LAMB3: variants seen among roughly 807,000 people sequenced by gnomAD.
The protein encoded by LAMB3 is laminin subunit beta-3.
In LAMB3, 104 loss-of-function variants were observed where a neutral mutation model predicts 140.3. The observed-to-expected ratio is 0.74, with a 90% CI of 0.63 to 0.87. LAMB3 has a LOEUF of 0.87. Among genes scored for constraint, LAMB3 ranks in the 40% least tolerant of loss-of-function variants. LAMB3 has a pLI of 0.00. For synonymous variants in LAMB3, 592 were observed against 602.9 expected, an observed-to-expected ratio of 0.98 and a Z score of 0.26; for missense variants, 1,531 against 1,575.2, an observed-to-expected ratio of 0.97 and a Z score of 0.47.
intron 5 of LAMB3, among the ~76,000 whole-genome samples, chr1:209,635,850 T>G (rs1009204549): frequency 6.6e-6 from 1 of 152,230 alleles, no homozygotes; most frequent in Admixed American, 6.5e-5. Context: ...CTTCTGACCA[T>G]GAGTGAAGAG....
intron 21 of LAMB3, 145 bp from the exon 22 acceptor site, chr1:209,616,769 G>A: frequency 2.5e-6 from 2 of 785,954 alleles, no homozygotes; most frequent in South Asian, 2.9e-5. Flanking sequence ...TTTGCCTATT[G>A]AAACCCCTGA....
chr1:209,626,595 C>T (rs1409087219), intron 13 of LAMB3, among the ~76,000 whole-genome samples: 4 of 152,216 alleles, frequency 2.6e-5, no homozygotes, highest in Non-Finnish European at 5.9e-5. Flanking sequence ...GAGATGGCTT[C>T]TGGGAAATGC....
At chr1:209,633,810 G>A (rs1666784557) in intron 6 of LAMB3, among the ~76,000 whole-genome samples, 2 of 152,188 alleles carry the variant, frequency 1.3e-5, no homozygotes, top group South Asian at 4.1e-4. Context: ...CTCAGCCAGG[G>A]AAAGGAGAAG....
At chr1:209,627,975 T>A (rs1558155718) in intron 11 of LAMB3, 60 bp downstream of exon 11, 1 of 1,541,698 alleles carries the variant, frequency 6.5e-7, no homozygotes, top group African/African-American at 1.4e-5. Context: ...GGGCAAGCCG[T>A]GGGTCTGGTG....
At chr1:209,635,880 C>G (rs1666878757) in intron 5 of LAMB3, among the ~76,000 whole-genome samples, 1 of 152,212 alleles carries the variant, frequency 6.6e-6, no homozygotes, top group Non-Finnish European at 1.5e-5. Context: ...TCCCTGGGCC[C>G]TGCCTCCTCT....
Position 209,615,332 on chromosome 1 carries a change from C to T in LAMB3, c.3458G>A (p.Arg1153His), listed in dbSNP as rs771796673. The change falls in exon 23 of 23, where the codon CGT becomes CAT. Residue 1153 changes from arginine to histidine, a missense_variant. By Grantham distance (29) the Arg-to-His change is conservative. Transcript: ENST00000356082. ...GATGTGGTCACGGATCTGCTCCACA[C>T]GCTTCTCCAGTCCTGTCAGGTCCGC... ...RSADLTGLEKRVEQIRDHING... is the reference protein window; with the variant it reads ...RSADLTGLEKHVEQIRDHING... 2.0e-5 allele frequency: 33 copies of T among 1,613,914 alleles called. No homozygotes were observed. The highest frequency in any genetic ancestry group is 1.6e-4 in the Middle Eastern group (1 of 6,082).
At chr1:209,638,804 C>A (rs542026603) in intron 3 of LAMB3, among the ~76,000 whole-genome samples, 156 bp from the exon 4 acceptor site, 48 of 152,250 alleles carry the variant, frequency 3.2e-4, no homozygotes, top group African/African-American at 1.2e-3. Context: ...TCTTAAAACA[C>A]AGCTATTGAT....
intron 14 of LAMB3, 134 bp from the exon 15 acceptor site, chr1:209,624,134 C>A (rs1558152175): frequency 4.0e-6 from 3 of 741,624 alleles, no homozygotes; most frequent in East Asian, 2.7e-5. Flanking sequence ...AACAGAGAAT[C>A]CACAGGCTAA....
chr1:209,636,692 G>A (rs140205734), intron 5 of LAMB3, among the ~76,000 whole-genome samples: 216 of 152,080 alleles, frequency 1.4e-3, no homozygotes, highest in Middle Eastern at 6.8e-3. Flanking sequence ...CCTGCCTCCC[G>A]GCCTTTGTGC....
rs779392542 is a variant in LAMB3, at chr1:209,625,889, C to A, written c.1735G>T (p.Val579Leu). 6.2e-7 allele frequency: 1 copy of A among 1,613,906 alleles called. No individual in the cohort carries two copies. The highest frequency in any genetic ancestry group is 8.5e-7 in the Non-Finnish European group (1 of 1,179,926). Residue 579 changes from valine to leucine, a missense_variant, in exon 14 of 23, where the codon GTG becomes TTG. Physicochemically the swap from Val to Leu is conservative, Grantham distance 32. Coordinates refer to ENST00000356082, the MANE Select transcript of LAMB3 (RefSeq NM_000228.3). The stretch of plus-strand genomic sequence containing the variant: ...GTCTGGAAGCAAGGGTGGCAGGCCA[C>A]GCACACCGGGTAGCGATTACAGTAG... The part of the protein sequence containing the change: ...RGYCNRYPVC[V>L]ACHPCFQTYD...
intron 18 of LAMB3, among the ~76,000 whole-genome samples, chr1:209,620,787 A>G (rs1666160621): frequency 6.6e-6 from 1 of 152,236 alleles, no homozygotes; most frequent in South Asian, 2.1e-4. Flanking sequence ...TTAGAACTTA[A>G]TAAGCCTTAA....
At chr1:209,634,962 CTCTG>C (rs1430087944) in intron 5 of LAMB3, among the ~76,000 whole-genome samples, 1 of 150,522 alleles carries the variant, frequency 6.6e-6, no homozygotes, top group Non-Finnish European at 1.5e-5. Context: ...TCTCTCCTCT[CTCTG>C]TCTCTCTCCT....
At chr1:209,650,267 G>T (rs1444752633) in intron 2 of LAMB3, 149 bp from the exon 3 acceptor site, 9 of 782,948 alleles carry the variant, frequency 1.1e-5, no homozygotes, top group Non-Finnish European at 1.7e-5. Context: ...AATAATTGCA[G>T]TATTGATACT....
Position 209,615,424 on chromosome 1 carries a change from A to G in LAMB3, c.3383-17T>C. ...ACTCCATGTCTGAGGCAAATGGAAC[A>G]GCAGCAGGAGGAGGAGTTGATGGTG... On this transcript the variant is annotated splice_polypyrimidine_tract_variant and intron_variant, in intron 22 of 22. Coordinates refer to ENST00000356082, the MANE Select transcript of LAMB3 (RefSeq NM_000228.3). The G allele has an allele frequency of 6.3e-7, 1 of 1,581,042 alleles. No individual in the cohort carries two copies. Among genetic ancestry groups the G allele is most frequent in the Non-Finnish European group, 8.6e-7 (1 of 1,160,850 alleles).
In LAMB3 at chr1:209,625,670, C is replaced by T; in HGVS notation, c.1954G>A (p.Ala652Thr). 1.2e-6 allele frequency: 2 copies of T among 1,614,096 alleles called. No homozygotes were observed. The highest frequency in any genetic ancestry group is 8.5e-7 in the Non-Finnish European group (1 of 1,180,024). ...AVTEQEVAQV[A>T]SAILSLRRTL... is the part of the protein sequence containing the mutation. ...TACCTGAGGGAGAGGATGGCACTGG[C>T]CACCTGAGCCACCTCCTGCTCTGTG... Residue 652 changes from alanine to threonine, a missense_variant, in exon 14 of 23, where the codon GCC becomes ACC. Coordinates refer to ENST00000356082, the MANE Select transcript of LAMB3 (RefSeq NM_000228.3).
chr1:209,627,674 G>C, intron 11 of LAMB3, 95 bp from the exon 12 acceptor site: 1 of 1,167,792 alleles, frequency 8.6e-7, no homozygotes, highest in Non-Finnish European at 1.2e-6. Flanking sequence ...CCTGGGAAAA[G>C]AACTGGGCAG....
chr1:209,646,019 C>T (rs1260021205), intron 3 of LAMB3, among the ~76,000 whole-genome samples: 1 of 152,192 alleles, frequency 6.6e-6, no homozygotes, highest in Non-Finnish European at 1.5e-5. Context: ...ATAAAAATGA[C>T]AGCTGTTTGG....
At chr1:209,647,793 A>G (rs1488834570) in intron 3 of LAMB3, among the ~76,000 whole-genome samples, 2 of 152,206 alleles carry the variant, frequency 1.3e-5, no homozygotes, top group Non-Finnish European at 2.9e-5. Context: ...CACACAACCA[A>G]ACCCTCCCAA....
chr1:209,622,572 G>T lies in LAMB3; in HGVS notation c.2665C>A (p.Arg889=), dbSNP rs201003237. The T allele has an allele frequency of 2.5e-6, 4 of 1,613,988 alleles. No individual in the cohort carries two copies. Among genetic ancestry groups the T allele is most frequent in the Non-Finnish European group, 3.4e-6 (4 of 1,180,026 alleles). The change falls in exon 18 of 23, where the codon CGG becomes AGG. Residue 889 remains arginine, a synonymous_variant. Transcript: ENST00000356082. ...TCCCGGACCTGCTGGATTAGGAGCC[G>T]TGTGCGTCTGACATCTTCCTCCATC... is the stretch of plus-strand genomic sequence containing the variant. ...SQMEEDVRRT[R]LLIQQVRDFL...
Sources: gnomAD v4.1 joint callset for allele counts (sites outside exome capture counted in the v4.1 genomes callset) on GRCh38, gnomAD v4.1.1 for gene constraint, MANE v1.5 for transcripts, NCBI Gene and HGNC (gene_info 2026-07-23, HGNC 2026-07-21) for gene names.